The following RYR3 variants were observed in gnomAD, a reference collection of about 807,000 sequenced individuals.
The protein encoded by RYR3 is ryanodine receptor 3.
A neutral mutation model predicts 584.3 loss-of-function variants in RYR3; 207 were observed. The ratio of observed to expected loss-of-function variants is 0.35; its 90% CI spans 0.32 to 0.40. The LOEUF (loss-of-function observed/expected upper bound fraction) is 0.40. RYR3 is among the 10% of genes least tolerant of loss of function. The pLI is 1.00. For synonymous variants in RYR3, 2,416 were observed against 2,248.5 expected (o/e 1.07, Z -2.11); for missense variants, 5,616 against 6,089.2 (o/e 0.92, Z 2.59).
At chr15:33,563,089 C>G (rs2057499875) in intron 11 of RYR3, 79 bp downstream of exon 11, 18 of 1,130,754 alleles carry the variant, frequency 1.6e-5, no homozygotes, top group Non-Finnish European at 2.3e-5. Context: ...TTCTGAGAAC[C>G]AGGTGGACAT....
chr15:33,501,277 T>C (rs1395355544), intron 2 of RYR3, among the ~76,000 whole-genome samples: 1 of 152,054 alleles, frequency 6.6e-6, no homozygotes, highest in Non-Finnish European at 1.5e-5. Flanking sequence ...TCAAAATGGC[T>C]GATGGCAGAG....
In RYR3 at chr15:33,821,568, C is replaced by T. The variant is rs1462103365; in HGVS notation, c.10961C>T (p.Ala3654Val). 4.3e-6 allele frequency: 7 copies of T among 1,613,844 alleles called. No individual in the cohort carries two copies. Among genetic ancestry groups the T allele is most frequent in the African/African-American group, 2.7e-5 (2 of 74,912 alleles). Residue 3654 changes from alanine to valine, a missense_variant, in exon 80 of 104, where the codon GCC becomes GTC. Coordinates refer to ENST00000634891, the MANE Select transcript of RYR3 (RefSeq NM_001036.6). ...GTTGAGACGCTGAAGCTGGGGATCG[C>T]CATTCTGAACGGAGGCAATGCTGGT... ...MVVETLKLGI[A>V]ILNGGNAGVQ...
chr15:33,865,911 G>C lies in RYR3; in HGVS notation c.*685G>C, dbSNP rs1415384435. 1 of 152,510 alleles carries C rather than the reference G, an allele frequency of 6.6e-6. No homozygotes were observed. Among genetic ancestry groups the C allele is most frequent in the Non-Finnish European group, 1.5e-5 (1 of 68,042 alleles). The allele number at this position is 152,510 out of a possible 1,614,324, so 9.4% of individuals were successfully genotyped here. A position where few individuals can be genotyped will look rare whatever the true frequency, so the allele number is the denominator to read the frequency against. On this transcript the variant is annotated 3_prime_UTR_variant, in exon 104 of 104. Transcript: ENST00000634891. The stretch of plus-strand genomic sequence containing the variant: ...AAGGTTATTCATACAAGTTTTTTTA[G>C]TAACAGCTGTCAGTCAACTGCTGTT...
At chr15:33,637,471 C>T (rs2061558913) in intron 27 of RYR3, among the ~76,000 whole-genome samples, 1 of 152,216 alleles carries the variant, frequency 6.6e-6, no homozygotes, top group Non-Finnish European at 1.5e-5. Flanking sequence ...GATCAGGAGA[C>T]CTGGACGCTC....
At chr15:33,586,721 A>G (rs1301255728) in intron 16 of RYR3, among the ~76,000 whole-genome samples, 8 of 152,148 alleles carry the variant, frequency 5.3e-5, no homozygotes, top group South Asian at 2.1e-4. Flanking sequence ...GTGGAATGCT[A>G]TATCATTTTT....
At chr15:33,672,118 C>T (rs917370747) in intron 38 of RYR3, among the ~76,000 whole-genome samples, 1 of 152,092 alleles carries the variant, frequency 6.6e-6, no homozygotes, top group African/African-American at 2.4e-5. Context: ...CTGGCCCTTT[C>T]CCACCTTCTT....
chr15:33,384,903 A>G (rs1320176258), intron 1 of RYR3, among the ~76,000 whole-genome samples: 1 of 152,182 alleles, frequency 6.6e-6, no homozygotes, highest in Non-Finnish European at 1.5e-5. Context: ...GATTGGAGGT[A>G]GTGTGGAATT....
At chr15:33,393,599 A>T (rs1156668445) in intron 1 of RYR3, among the ~76,000 whole-genome samples, 2 of 152,224 alleles carry the variant, frequency 1.3e-5, no homozygotes, top group Admixed American at 6.5e-5. Flanking sequence ...ATGGTTGAGA[A>T]GGAGCAACTC....
At chr15:33,459,763 G>C (rs1296367230) in intron 1 of RYR3, among the ~76,000 whole-genome samples, 3 of 152,158 alleles carry the variant, frequency 2.0e-5, no homozygotes, top group Non-Finnish European at 4.4e-5. Context: ...CAGCTGCCTT[G>C]CTCTAAATTT....
intron 64 of RYR3, among the ~76,000 whole-genome samples, chr15:33,779,961 A>G (rs2074282795): frequency 6.6e-6 from 1 of 152,170 alleles, no homozygotes; most frequent in African/African-American, 2.4e-5. Flanking sequence ...CAGTGAGCTG[A>G]TATCGCGCCA....
intron 1 of RYR3, among the ~76,000 whole-genome samples, chr15:33,470,676 T>G (rs1359019917): frequency 6.6e-6 from 1 of 152,210 alleles, no homozygotes; most frequent in African/African-American, 2.4e-5. Context: ...AGGTTCATGA[T>G]AGTGTGCTAC....
At position 33,755,302 on chromosome 15, in the gene RYR3, T is replaced by G. The variant is rs560467271; in HGVS notation, c.8515+122T>G. On this transcript the variant is annotated intron_variant, in intron 58 of 103. Coordinates refer to ENST00000634891, the MANE Select transcript of RYR3 (RefSeq NM_001036.6). ...ATGATTTTAGGGGGAAAACAGTGGC[T>G]GAAATTTTTTTCCCCCAACTTAAAA... The G allele has an allele frequency of 6.0e-5, 41 of 679,884 alleles. No individual in the cohort carries two copies. In the East Asian group the frequency reaches 6.6e-4, roughly 11 times the overall value. The allele number at this position is 679,884 out of a possible 1,614,324, so 42.1% of individuals were successfully genotyped here. A position where few individuals can be genotyped will look rare whatever the true frequency, so the allele number is the denominator to read the frequency against.
chr15:33,545,518 TAAG>T (rs913230796), intron 8 of RYR3, among the ~76,000 whole-genome samples: 6 of 151,996 alleles, frequency 3.9e-5, no homozygotes, highest in African/African-American at 7.3e-5. Flanking sequence ...TCAAACAAAA[TAAG>T]AAGGCTTATT....
chr15:33,840,986 G>A (rs905354086), intron 90 of RYR3, 103 bp downstream of exon 90: 57 of 1,027,598 alleles, frequency 5.5e-5, no homozygotes, highest in Non-Finnish European at 8.2e-5. Flanking sequence ...GAGAGGCTGA[G>A]GCTGGAGGAT....
At chr15:33,441,227 C>T (rs1158212397) in intron 1 of RYR3, among the ~76,000 whole-genome samples, 5 of 152,160 alleles carry the variant, frequency 3.3e-5, no homozygotes, top group Non-Finnish European at 5.9e-5. Context: ...AATTGCACAT[C>T]AAGCCTCATC....
intron 93 of RYR3, chr15:33,847,175 G>A (rs184085887): frequency 2.0e-5 from 3 of 152,338 alleles, no homozygotes; most frequent in Admixed American, 2.0e-4. Flanking sequence ...TGTACTAACA[G>A]TCATCATCAG....
intron 51 of RYR3, 97 bp downstream of exon 51, chr15:33,740,092 C>A: frequency 1.9e-6 from 2 of 1,031,732 alleles, no homozygotes; most frequent in Non-Finnish European, 2.9e-6. Flanking sequence ...TTACCTCTTT[C>A]CCTCCTGCCA....
At chr15:33,423,164 C>T (rs1454979801) in intron 1 of RYR3, among the ~76,000 whole-genome samples, 1 of 152,162 alleles carries the variant, frequency 6.6e-6, no homozygotes, top group Non-Finnish European at 1.5e-5. Context: ...CTCTCCATCC[C>T]TGCCTCCAGC....
At chr15:33,596,357 C>A (rs1180229980) in intron 16 of RYR3, among the ~76,000 whole-genome samples, 1 of 151,852 alleles carries the variant, frequency 6.6e-6, no homozygotes, top group Non-Finnish European at 1.5e-5. Flanking sequence ...ATTACATTTA[C>A]CTAATTGTTT....
Sources: allele counts gnomAD v4.1 joint callset (sites outside exome capture counted in the v4.1 genomes callset), GRCh38; gene constraint gnomAD v4.1.1; transcripts MANE v1.5; gene names NCBI Gene and HGNC (gene_info 2026-07-23, HGNC 2026-07-21).